Variants in ITSN2 observed in about 807,000 individuals in gnomAD.
ITSN2 encodes intersectin-2.
ITSN2 carries 156 observed loss-of-function variants against 243.7 expected under a neutral mutation model. The ratio of observed to expected loss-of-function variants is 0.64; its 90% confidence interval spans 0.56 to 0.73. The LOEUF is 0.73. Ranked by LOEUF, ITSN2 falls within the 30% of genes least tolerant of loss-of-function variation. The pLI, the probability that ITSN2 is intolerant of heterozygous loss-of-function variation, is 0.00. For missense variants in ITSN2, 1,801 were observed against 1,996.1 expected, an observed-to-expected ratio of 0.90 and a Z score of 1.86; for synonymous variants, 703 against 699.9, an observed-to-expected ratio of 1.00 and a Z score of -0.07.
chr2:24,337,283 ATG>A (rs1311793889), intron 1 of ITSN2, among the ~76,000 whole-genome samples: 10 of 28,624 alleles, frequency 3.5e-4, no homozygotes, highest in Non-Finnish European at 7.2e-4. Context: ...ATATGTATGT[ATG>A]TGTGTGTGTG....
At chr2:24,349,774 A>G (rs2151937530) in intron 1 of ITSN2, among the ~76,000 whole-genome samples, 1 of 152,336 alleles carries the variant, frequency 6.6e-6, no homozygotes, top group Non-Finnish European at 1.5e-5. Context: ...TAGTGCAAAA[A>G]TAACTCCCTA....
Position 24,312,314 on chromosome 2 carries a change from T to C in ITSN2, c.250A>G (p.Lys84Glu). The change falls in exon 5 of 40, where the codon AAA (lysine) becomes GAA (glutamate). Residue 84 changes from lysine (K) to glutamate (E), a missense_variant. Around this residue, in one of 5 missense-constraint regions of ITSN2, gnomAD observed 2 missense variants for 16.7 expected, o/e 0.12. Transcript: ENST00000355123. ...CCTTGAAGCTTCAGTTTGATGAGTT[T>C]CATAGCTATGGAGAACTCTTGCTGA... The part of the protein sequence containing the change: ...MDQQEFSIAM[K>E]LIKLKLQGQQ... 2 of 1,613,668 alleles carry C rather than the reference T, an allele frequency of 1.2e-6. No homozygotes were observed. Among genetic ancestry groups the C allele is most frequent in the Non-Finnish European group, 1.7e-6 (2 of 1,179,732 alleles).
Position 24,313,888 on chromosome 2 carries a change from C to T in ITSN2, c.125-365G>A, listed in dbSNP as rs529449693. ...GTACCAGGTGTTAGGAGAGAGAGTCCTCCATGAGTTTCTTCACACTCCTAT... is the reference window on the plus strand; with the variant it reads ...GTACCAGGTGTTAGGAGAGAGAGTCTTCCATGAGTTTCTTCACACTCCTAT... On this transcript the variant is annotated intron_variant, in intron 3 of 39. Transcript: ENST00000355123. Among the ~76,000 whole-genome samples, 6 of 152,246 alleles carry T rather than the reference C, an allele frequency of 3.9e-5. No homozygotes were observed. The South Asian group carries it at 1.0e-3, about 26-fold the overall frequency.
At chr2:24,331,539 A>T (rs1685784049) in intron 1 of ITSN2, among the ~76,000 whole-genome samples, 1 of 152,132 alleles carries the variant, frequency 6.6e-6, no homozygotes, top group South Asian at 2.1e-4. Context: ...TCCCAGGAGG[A>T]GGGATTCCCT....
At chr2:24,236,669 T>C (rs1423168420) in intron 29 of ITSN2, among the ~76,000 whole-genome samples, 2 of 17,572 alleles carry the variant, frequency 1.1e-4, no homozygotes, top group African/African-American at 2.2e-4. Flanking sequence ...CTGTGTTTTT[T>C]TTTCTTTTTT....
intron 2 of ITSN2, among the ~76,000 whole-genome samples, chr2:24,320,285 C>T (rs970573106): frequency 6.0e-5 from 9 of 150,460 alleles, no homozygotes; most frequent in African/African-American, 2.2e-4. Flanking sequence ...TTTGGGAGGC[C>T]GAGGAGGGTG....
chr2:24,238,274 C>T (rs1672373676), intron 29 of ITSN2, among the ~76,000 whole-genome samples: 1 of 152,196 alleles, frequency 6.6e-6, no homozygotes, highest in Non-Finnish European at 1.5e-5. Context: ...AGACAATGGC[C>T]ACTTGACACT....
intron 29 of ITSN2, among the ~76,000 whole-genome samples, chr2:24,237,527 T>C (rs1409299714): frequency 1.3e-5 from 2 of 152,166 alleles, no homozygotes; most frequent in African/African-American, 4.8e-5. Context: ...TGATGTTGTC[T>C]ATCTTATCTG....
At chr2:24,333,211 A>G (rs986391171) in intron 1 of ITSN2, among the ~76,000 whole-genome samples, 4 of 152,232 alleles carry the variant, frequency 2.6e-5, no homozygotes, top group Admixed American at 1.3e-4. Context: ...AAATGGAGAT[A>G]ATGCGTCACA....
chr2:24,227,288 TAAAA>T (rs55652738), intron 29 of ITSN2, among the ~76,000 whole-genome samples: 5 of 114,804 alleles, frequency 4.4e-5, no homozygotes, highest in Non-Finnish European at 5.4e-5. Flanking sequence ...GAGCTCAAAG[TAAAA>T]AAAAAAAAAA....
intron 20 of ITSN2, among the ~76,000 whole-genome samples, chr2:24,263,857 G>A (rs1472956456): frequency 6.6e-6 from 1 of 152,102 alleles, no homozygotes; most frequent in African/African-American, 2.4e-5. Flanking sequence ...AAATAAAGCT[G>A]CTATGAACAT....
intron 32 of ITSN2, 102 bp from the exon 33 acceptor site, chr2:24,212,850 A>G (rs1669626130): frequency 1.0e-6 from 1 of 955,634 alleles, no homozygotes; most frequent in Admixed American, 2.0e-5. Flanking sequence ...TTATTTATTT[A>G]TGTTTCTCCC....
chr2:24,209,260 G>A (rs760829412), intron 35 of ITSN2, 39 bp from the exon 36 acceptor site: 3 of 1,606,934 alleles, frequency 1.9e-6, no homozygotes, highest in South Asian at 1.1e-5. Context: ...TGTGAGATGG[G>A]CTAGAACACT....
intron 22 of ITSN2, among the ~76,000 whole-genome samples, chr2:24,259,727 T>G (rs147492125): frequency 1.3e-5 from 2 of 152,332 alleles, no homozygotes; most frequent in East Asian, 3.9e-4. Context: ...AATCTTATCT[T>G]TGAAGACCCT....
At position 24,209,968 on chromosome 2, in the gene ITSN2, T is replaced by G. The variant is rs1669306701; in HGVS notation, c.4323A>C (p.Leu1441Phe). 6.2e-7 allele frequency: 1 copy of G among 1,614,180 alleles called. No homozygotes were observed. The highest frequency in any genetic ancestry group is 8.5e-7 in the Non-Finnish European group (1 of 1,180,004). Residue 1441 changes from leucine to phenylalanine, a missense_variant, in exon 35 of 40, where the codon TTA becomes TTC. Transcript: ENST00000355123. ...GPRKLLHSGK[L>F]YKTKSNKELH... ...GTTCCTTGTTGCTCTTGGTCTTGTA[T>G]AATTTCCCACTGTGTAAGAGCTTCC...
intron 23 of ITSN2, among the ~76,000 whole-genome samples, chr2:24,256,025 C>A (rs1484866666): frequency 6.6e-6 from 1 of 151,552 alleles, no homozygotes; most frequent in African/African-American, 2.4e-5. Context: ...TGCACTCCAG[C>A]CTGGGCAACA....
chr2:24,220,806 C>G, intron 30 of ITSN2, 139 bp downstream of exon 30: 2 of 1,437,192 alleles, frequency 1.4e-6, no homozygotes, highest in South Asian at 1.6e-5. Flanking sequence ...TGAGAGCTTC[C>G]GTCACTATTT....
intron 17 of ITSN2, 21 bp downstream of exon 17, chr2:24,284,742 A>T: frequency 7.1e-7 from 1 of 1,406,318 alleles, no homozygotes; most frequent in Non-Finnish European, 1.0e-6. Flanking sequence ...AAAGAAAAGA[A>T]GCTAGATATT....
At chr2:24,288,178 AT>A (rs902776804) in intron 15 of ITSN2, among the ~76,000 whole-genome samples, 4 of 151,992 alleles carry the variant, frequency 2.6e-5, no homozygotes, top group African/African-American at 9.7e-5. Flanking sequence ...TGTTTAATCC[AT>A]TTTGAGCTGA....
Sources: gnomAD v4.1 joint callset for allele counts (sites outside exome capture counted in the v4.1 genomes callset) on GRCh38, gnomAD v4.1.1 for gene constraint, gnomAD v4.1.1 regional missense constraint, MANE v1.5 for transcripts, NCBI Gene and HGNC (gene_info 2026-07-23, HGNC 2026-07-21) for gene names.